PCDHGA8: variants seen among roughly 807,000 people sequenced by gnomAD.
PCDHGA8 encodes protocadherin gamma subfamily A, 8.
In PCDHGA8, 45 loss-of-function variants were observed where a neutral mutation model predicts 59.2. The ratio of observed to expected loss-of-function variants is 0.76; its 90% CI spans 0.60 to 0.98. The LOEUF is 0.98. Ranked by LOEUF, PCDHGA8 falls within the 50% of genes least tolerant of loss-of-function variation. The pLI is 0.00. For synonymous variants in PCDHGA8, 531 were observed against 519.0 expected (o/e 1.02, Z -0.32); for missense variants, 1,257 against 1,196.2 (o/e 1.05, Z -0.75).
chr5:141,476,979 G>A lies in PCDHGA8; in HGVS notation c.2425-17828G>A, dbSNP rs772801536. On this transcript the variant is annotated intron_variant, in intron 1 of 3. Coordinates refer to ENST00000398604, the MANE Select transcript of PCDHGA8 (RefSeq NM_032088.2). The surrounding 1 kb of genome is among the most constrained non-coding windows in gnomAD (Gnocchi z 7.6). ...ATTTACTCCTTCGGCAGCCACAACC[G>A]CGCCGGCGTGCGGCAACTATTCGCC... The A allele has an allele frequency of 1.9e-6, 3 of 1,614,238 alleles. No homozygotes were observed. The South Asian group carries it at 3.3e-5, about 18-fold the overall frequency.
At chr5:141,430,786 C>G (rs992448490) in intron 1 of PCDHGA8, 1 of 1,513,352 alleles carries the variant, frequency 6.6e-7, no homozygotes, top group Non-Finnish European at 8.8e-7. Context: ...TGCACCGGGA[C>G]TACAAAGGGC....
chr5:141,467,476 G>C (rs114088806), intron 1 of PCDHGA8, among the ~76,000 whole-genome samples: 1,866 of 152,156 alleles, frequency 0.012, 41 homozygotes, highest in African/African-American at 0.043. Flanking sequence ...CATGGTTTTT[G>C]GTTTCCACAT....
intron 1 of PCDHGA8, chr5:141,405,016 C>T: frequency 6.2e-7 from 1 of 1,614,006 alleles, no homozygotes; most frequent in Non-Finnish European, 8.5e-7. Flanking sequence ...AGGCCTCAGA[C>T]CTTACCCTCT....
At chr5:141,414,313 T>C in intron 1 of PCDHGA8, 1 of 1,613,748 alleles carries the variant, frequency 6.2e-7, no homozygotes, top group Non-Finnish European at 8.5e-7. Context: ...TGATTTAGAC[T>C]CTGAGCAGAA....
chr5:141,408,174 C>T, intron 1 of PCDHGA8: 3 of 1,531,244 alleles, frequency 2.0e-6, no homozygotes, highest in Non-Finnish European at 1.8e-6. Flanking sequence ...ACTGGAAAAG[C>T]GGGGACCCAG....
intron 1 of PCDHGA8, chr5:141,408,489 G>A: frequency 6.2e-7 from 1 of 1,614,076 alleles, no homozygotes; most frequent in Non-Finnish European, 8.5e-7. Flanking sequence ...GAGCAAATAT[G>A]CAAAGAGAGA....
At chr5:141,470,485 GAAT>G (rs2099231720) in intron 1 of PCDHGA8, among the ~76,000 whole-genome samples, 1 of 152,074 alleles carries the variant, frequency 6.6e-6, no homozygotes, top group Admixed American at 6.6e-5. Context: ...AACCCTCTGG[GAAT>G]AATATTAGGT....
In PCDHGA8 at chr5:141,493,511, T is replaced by G. The variant is rs1203329648; in HGVS notation, c.2425-1296T>G. Among the ~76,000 whole-genome samples the G allele has an allele frequency of 6.6e-6, 1 of 152,094 alleles. No individual in the cohort carries two copies. Reference sequence around the variant, plus strand: ...TCTGTGGCTCCTCATTTCTGAGCAGTCCCCGCAGCGCAAACTTGGCCAGTT... The same window carrying G: ...TCTGTGGCTCCTCATTTCTGAGCAGGCCCCGCAGCGCAAACTTGGCCAGTT... On this transcript the variant is annotated intron_variant, in intron 1 of 3. Coordinates refer to ENST00000398604, the MANE Select transcript of PCDHGA8 (RefSeq NM_032088.2). This position sits in a 1 kb window ranked among gnomAD's most constrained non-coding sequence, Gnocchi z 4.3.
Position 141,415,748 on chromosome 5 carries a change from T to G in PCDHGA8, c.2424+20511T>G, listed in dbSNP as rs1345423849. On this transcript the variant is annotated intron_variant, in intron 1 of 3. Transcript: ENST00000398604. ...ATTTGATGTTTATTAAGGTTTTTTT[T>G]TTTTTTTTTTTTTTTTTTTTTTTTA... is the stretch of plus-strand genomic sequence containing the variant. 87 of 1,008,904 alleles carry G rather than the reference T, an allele frequency of 8.6e-5. No individual in the cohort carries two copies. The Middle Eastern group carries it at 1.2e-3, about 13-fold the overall frequency. 62.5% of individuals were successfully genotyped at this position (1,008,904 alleles called of 1,614,324 possible).
chr5:141,484,374 T>C (rs1261372490), intron 1 of PCDHGA8, among the ~76,000 whole-genome samples: 1 of 152,186 alleles, frequency 6.6e-6, no homozygotes, highest in Non-Finnish European at 1.5e-5. Context: ...CACTAGCAAA[T>C]GTCTGAATAA....
intron 1 of PCDHGA8, chr5:141,492,073 G>C (rs2099736846): frequency 6.2e-6 from 3 of 480,898 alleles, no homozygotes; most frequent in Non-Finnish European, 1.1e-5. Flanking sequence ...CCTAGGCGCC[G>C]GCTCCGGCAC....
intron 1 of PCDHGA8, chr5:141,426,664 A>G (rs886265350): frequency 2.3e-6 from 1 of 429,248 alleles, no homozygotes; most frequent in Admixed American, 2.5e-5. Flanking sequence ...GATATAAATG[A>G]TAACCCACCT....
intron 1 of PCDHGA8, chr5:141,421,043 C>T (rs1201118615): frequency 5.5e-6 from 3 of 548,238 alleles, no homozygotes; most frequent in African/African-American, 3.9e-5. Flanking sequence ...CCTCCCTCCC[C>T]CGCCTCTACC....
At chr5:141,422,640 C>T in intron 1 of PCDHGA8, 1 of 1,612,590 alleles carries the variant, frequency 6.2e-7, no homozygotes, top group South Asian at 1.1e-5. Flanking sequence ...GGGGTGCCTC[C>T]ATCTTCTCAG....
At chr5:141,407,622 A>G (rs2094961891) in intron 1 of PCDHGA8, among the ~76,000 whole-genome samples, 3 of 152,316 alleles carry the variant, frequency 2.0e-5, no homozygotes, top group South Asian at 2.1e-4. Context: ...TTGACATTCT[A>G]TATCTCGTAT....
Position 141,462,050 on chromosome 5 carries a change from C to T in PCDHGA8, c.2425-32757C>T, listed in dbSNP as rs146056741. On this transcript the variant is annotated intron_variant, in intron 1 of 3. Coordinates refer to ENST00000398604, the MANE Select transcript of PCDHGA8 (RefSeq NM_032088.2). ...GTTGGTCAGGCGGGTCTTGAACTCC[C>T]GACCTCAGGTGATCTGCCCGCCTTG... is the stretch of plus-strand genomic sequence containing the variant. 5.5e-3 allele frequency among the ~76,000 whole-genome samples: 830 copies of T among 151,978 alleles called. 23 individuals are homozygous for T. The East Asian group carries it at 0.095, about 17-fold the overall frequency.
At chr5:141,475,145 C>T (rs1214674720) in intron 1 of PCDHGA8, among the ~76,000 whole-genome samples, 2 of 151,980 alleles carry the variant, frequency 1.3e-5, no homozygotes, top group Non-Finnish European at 1.5e-5. Flanking sequence ...AAATCTTCTC[C>T]GTCTTCTTCT....
In PCDHGA8 at chr5:141,432,897, C is replaced by A. The variant is rs780142081; in HGVS notation, c.2424+37660C>A. 1.2e-6 allele frequency: 2 copies of A among 1,614,178 alleles called. No individual in the cohort carries two copies. Among genetic ancestry groups the A allele is most frequent in the Non-Finnish European group, 1.7e-6 (2 of 1,180,010 alleles). On this transcript the variant is annotated intron_variant, in intron 1 of 3. Coordinates refer to ENST00000398604, the MANE Select transcript of PCDHGA8 (RefSeq NM_032088.2). The surrounding 1 kb of genome is among the most constrained non-coding windows in gnomAD (Gnocchi z 6.0). ...CTGGCCTTCGTCATCTTGCTGCTGGCGCTCAGGCTGCGGCGCTGGCACAAG... is the reference window on the plus strand; with the variant it reads ...CTGGCCTTCGTCATCTTGCTGCTGGAGCTCAGGCTGCGGCGCTGGCACAAG...
intron 1 of PCDHGA8, among the ~76,000 whole-genome samples, chr5:141,479,909 A>G (rs2099509651): frequency 6.6e-6 from 1 of 152,160 alleles, no homozygotes; most frequent in South Asian, 2.1e-4. Context: ...AAACACTGTT[A>G]TTTTGTTACT....
Sources: gnomAD v4.1 joint callset for allele counts (sites outside exome capture counted in the v4.1 genomes callset) on GRCh38, gnomAD v4.1.1 for gene constraint, Gnocchi (gnomAD v3.1) non-coding constraint, MANE v1.5 for transcripts, NCBI Gene and HGNC (gene_info 2026-07-23, HGNC 2026-07-21) for gene names.